TRPM4: variants seen among roughly 807,000 people sequenced by gnomAD.
The protein encoded by TRPM4 is calcium-activated non-selective cation channel 1.
TRPM4 carries 124 observed loss-of-function variants against 135.6 expected under a neutral mutation model. The observed-to-expected ratio is 0.91, with a 90% CI of 0.79 to 1.06. TRPM4 has a LOEUF of 1.06. Ranked by LOEUF, TRPM4 falls within the 50% of genes least tolerant of loss-of-function variation. TRPM4 has a pLI of 0.00. For synonymous variants in TRPM4, 745 were observed against 705.6 expected, an observed-to-expected ratio of 1.06 and a Z score of -0.88; for missense variants, 1,658 against 1,671.4, an observed-to-expected ratio of 0.99 and a Z score of 0.14.
In TRPM4 at chr19:49,210,805, G is replaced by A; in HGVS notation, c.3424G>A (p.Glu1142Lys). 3.1e-6 allele frequency: 5 copies of A among 1,613,680 alleles called. No homozygotes were observed. Among genetic ancestry groups the A allele is most frequent in the Non-Finnish European group, 4.2e-6 (5 of 1,179,910 alleles). Reference protein sequence around the residue: ...FLLARARDKRESDSERLKRTS... With the variant: ...FLLARARDKRKSDSERLKRTS... Reference sequence around the variant, plus strand: ...GCTGGCACGCGCTAGGGACAAGCGGGAGAGCGACTCCGAGCGTCTGAAGCG... The same window carrying A: ...GCTGGCACGCGCTAGGGACAAGCGGAAGAGCGACTCCGAGCGTCTGAAGCG... Residue 1142 changes from glutamate (E) to lysine (K), a missense_variant, in exon 22 of 25, where the codon GAG becomes AAG. Coordinates refer to ENST00000252826, the MANE Select transcript of TRPM4 (RefSeq NM_017636.4). The surrounding 1 kb of genome is among the most constrained non-coding windows in gnomAD (Gnocchi z 4.1).
At chr19:49,201,017 T>G (rs948840278) in intron 19 of TRPM4, among the ~76,000 whole-genome samples, 1 of 151,894 alleles carries the variant, frequency 6.6e-6, no homozygotes, top group Non-Finnish European at 1.5e-5. Flanking sequence ...TTTTTCTTTT[T>G]TTTTGAGATG....
intron 12 of TRPM4, among the ~76,000 whole-genome samples, chr19:49,186,928 G>C (rs753623108): frequency 6.6e-6 from 1 of 151,414 alleles, no homozygotes; most frequent in Non-Finnish European, 1.5e-5. Flanking sequence ...CTTTTTCTCT[G>C]GGGAAAGCTC....
chr19:49,161,354 G>T (rs1233041020), intron 2 of TRPM4, among the ~76,000 whole-genome samples: 1 of 140,116 alleles, frequency 7.1e-6, no homozygotes, highest in African/African-American at 2.7e-5. Flanking sequence ...TTGAGACAGG[G>T]TCTTGCTCTG....
chr19:49,190,379 C>T, intron 15 of TRPM4, 59 bp downstream of exon 15: 1 of 1,396,032 alleles, frequency 7.2e-7, no homozygotes. Context: ...TTTCTCCTTC[C>T]TGCCCCCTCT....
At position 49,210,333 on chromosome 19, in the gene TRPM4, C is replaced by G. The variant is rs200167232; in HGVS notation, c.3256C>G (p.Arg1086Gly). 1.2e-5 allele frequency: 20 copies of G among 1,614,216 alleles called. No individual in the cohort carries two copies. In the African/African-American group the frequency reaches 1.3e-4, roughly 11 times the overall value. ...APPFIVISHL[R>G]LLLRQLCRRP... is the part of the protein sequence containing the mutation. ...GCCCTTTATCGTCATCTCCCACTTGCGCCTCCTGCTCAGGCAATTGTGCAG... is the reference window on the plus strand; with the variant it reads ...GCCCTTTATCGTCATCTCCCACTTGGGCCTCCTGCTCAGGCAATTGTGCAG... The change falls in exon 21 of 25, where the codon CGC (arginine) becomes GGC (glycine). Residue 1086 changes from arginine (R) to glycine (G), a missense_variant. Coordinates refer to ENST00000252826, the MANE Select transcript of TRPM4 (RefSeq NM_017636.4). The surrounding 1 kb of genome is among the most constrained non-coding windows in gnomAD (Gnocchi z 4.1).
At chr19:49,188,219 C>G (rs1174375431) in intron 12 of TRPM4, among the ~76,000 whole-genome samples, 1 of 152,160 alleles carries the variant, frequency 6.6e-6, no homozygotes, top group Non-Finnish European at 1.5e-5. Flanking sequence ...TGAGCGAGGA[C>G]AGCTTAAGGG....
intron 10 of TRPM4, among the ~76,000 whole-genome samples, chr19:49,182,310 C>G (rs113333392): frequency 7.6e-6 from 1 of 131,362 alleles, no homozygotes; most frequent in African/African-American, 2.9e-5. Flanking sequence ...CCATCCATCC[C>G]TCTGTCCATC....
intron 2 of TRPM4, among the ~76,000 whole-genome samples, chr19:49,165,031 T>C (rs1967120473): frequency 6.6e-6 from 1 of 152,058 alleles, no homozygotes; most frequent in African/African-American, 2.4e-5. Flanking sequence ...GCATGAGCCA[T>C]CATACCCGAC....
At chr19:49,199,069 C>G (rs921627453) in intron 17 of TRPM4, among the ~76,000 whole-genome samples, 3 of 152,004 alleles carry the variant, frequency 2.0e-5, no homozygotes, top group Admixed American at 1.3e-4. Context: ...CCATGCTCGA[C>G]AATGCCTGAT....
intron 9 of TRPM4, among the ~76,000 whole-genome samples, chr19:49,174,208 A>G (rs558993154): frequency 6.6e-6 from 1 of 152,214 alleles, no homozygotes; most frequent in East Asian, 2.0e-4. Flanking sequence ...GCTGGAGTGC[A>G]GTGGTGCGAG....
At chr19:49,164,242 T>C (rs1967075694) in intron 2 of TRPM4, among the ~76,000 whole-genome samples, 1 of 151,652 alleles carries the variant, frequency 6.6e-6, no homozygotes, top group Admixed American at 6.6e-5. Flanking sequence ...TCTCTCTTTC[T>C]TTCTTTCTCT....
In TRPM4 at chr19:49,196,863, C is replaced by T. The variant is rs1316618198; in HGVS notation, c.2634C>T (p.Gly878=). The part of the protein sequence containing the change: ...DLVALTCFLL[G]VGCRLTPGLY... Reference sequence around the variant, plus strand: ...TGGCTCTCACCTGCTTCCTCCTGGGCGTGGGCTGCCGGTGAGTGCCCCGGG... The same window carrying T: ...TGGCTCTCACCTGCTTCCTCCTGGGTGTGGGCTGCCGGTGAGTGCCCCGGG... The change falls in exon 17 of 25, where the codon GGC becomes GGT. Residue 878 remains glycine (G), a synonymous_variant. Transcript: ENST00000252826. 1.9e-6 allele frequency: 3 copies of T among 1,581,220 alleles called. No individual in the cohort carries two copies. The highest frequency in any genetic ancestry group is 1.9e-4 in the Middle Eastern group (1 of 5,198).
In TRPM4 at chr19:49,211,137, C is replaced by T. The variant is rs765133615; in HGVS notation, c.3535-27C>T. The T allele has an allele frequency of 3.1e-5, 50 of 1,609,656 alleles. No homozygotes were observed. Among genetic ancestry groups the T allele is most frequent in the South Asian group, 3.1e-4 (28 of 90,288 alleles). On this transcript the variant is annotated intron_variant, in intron 23 of 24. Coordinates refer to ENST00000252826, the MANE Select transcript of TRPM4 (RefSeq NM_017636.4). This position sits in a 1 kb window ranked among gnomAD's most constrained non-coding sequence, Gnocchi z 4.8. ...GGACTGTGGCAGGGGTCCCATCTCC[C>T]GCTCTGACATTCCTCCCATTCCGCA...
Position 49,211,155 on chromosome 19 carries a change from A to G in TRPM4, c.3535-9A>G, listed in dbSNP as rs376043955. On this transcript the variant is annotated splice_polypyrimidine_tract_variant and intron_variant, in intron 23 of 24. Coordinates refer to ENST00000252826, the MANE Select transcript of TRPM4 (RefSeq NM_017636.4). This position sits in a 1 kb window ranked among gnomAD's most constrained non-coding sequence, Gnocchi z 4.8. ...CATCTCCCGCTCTGACATTCCTCCC[A>G]TTCCGCAGGTCCAGCAGTGTAGCCG... The G allele has an allele frequency of 6.2e-7, 1 of 1,607,914 alleles. No individual in the cohort carries two copies. Among genetic ancestry groups the G allele is most frequent in the East Asian group, 2.2e-5 (1 of 44,596 alleles).
intron 20 of TRPM4, among the ~76,000 whole-genome samples, chr19:49,206,323 T>C (rs1409654583): frequency 6.6e-6 from 1 of 152,220 alleles, no homozygotes; most frequent in Non-Finnish European, 1.5e-5. Context: ...GTCTCCTTTG[T>C]TATTTTTCAA....
At chr19:49,165,439 G>A (rs1967133285) in intron 2 of TRPM4, among the ~76,000 whole-genome samples, 1 of 152,148 alleles carries the variant, frequency 6.6e-6, no homozygotes, top group East Asian at 1.9e-4. Context: ...CGTTATTCAA[G>A]GTTATTTTAA....
chr19:49,179,169 C>T (rs1196660940), intron 9 of TRPM4, among the ~76,000 whole-genome samples: 1 of 144,212 alleles, frequency 6.9e-6, no homozygotes, highest in Non-Finnish European at 1.5e-5. Flanking sequence ...GATTTTCCTG[C>T]CTCAGCCTCC....
chr19:49,160,202 G>A (rs979996788), intron 2 of TRPM4, among the ~76,000 whole-genome samples: 2 of 152,092 alleles, frequency 1.3e-5, no homozygotes, highest in Non-Finnish European at 2.9e-5. Flanking sequence ...CATGGAAAGC[G>A]ATTTGGGGCC....
chr19:49,183,233 C>G (rs375856578), intron 12 of TRPM4, 21 bp downstream of exon 12: 124 of 1,613,814 alleles, frequency 7.7e-5, no homozygotes, highest in Non-Finnish European at 1.0e-4. Flanking sequence ...ACTTGGCGCT[C>G]CTGCATCCCT....
Sources: allele counts gnomAD v4.1 joint callset (sites outside exome capture counted in the v4.1 genomes callset), GRCh38; gene constraint gnomAD v4.1.1; non-coding constraint Gnocchi (gnomAD v3.1); transcripts MANE v1.5; gene names NCBI Gene and HGNC (gene_info 2026-07-23, HGNC 2026-07-21).